The following BTNL8 variants were observed in gnomAD, a reference collection of about 807,000 sequenced individuals.
BTNL8 encodes the protein butyrophilin like 8.
A neutral mutation model predicts 36.1 loss-of-function variants in BTNL8; 22 were observed. The observed-to-expected ratio is 0.61, with a 90% CI of 0.44 to 0.87. The LOEUF (loss-of-function observed/expected upper bound fraction) is 0.87. Ranked by LOEUF, BTNL8 falls within the 40% of genes least tolerant of loss-of-function variation. The pLI is 0.00. For missense variants in BTNL8, 526 were observed against 616.9 expected, an observed-to-expected ratio of 0.85 and a Z score of 1.56; for synonymous variants, 203 against 235.6, an observed-to-expected ratio of 0.86 and a Z score of 1.27.
At chr5:180,900,259 A>T (rs1175536050) in intron 1 of BTNL8, among the ~76,000 whole-genome samples, 2 of 152,216 alleles carry the variant, frequency 1.3e-5, no homozygotes, top group Admixed American at 6.5e-5. Flanking sequence ...GGAGACAGAA[A>T]CATTTTATTT....
chr5:180,902,410 C>T (rs1400458118), intron 1 of BTNL8: 2 of 1,549,046 alleles, frequency 1.3e-6, no homozygotes, highest in East Asian at 2.4e-5. Context: ...AGGAGATACA[C>T]AAATGCAAGT....
At chr5:180,909,736 G>C (rs567080663) in intron 2 of BTNL8, 1 of 260,958 alleles carries the variant, frequency 3.8e-6, no homozygotes, top group African/African-American at 2.4e-5. Flanking sequence ...AAAAAAAGAA[G>C]ATGAAAGAAG....
chr5:180,906,074 C>T (rs1441287213), intron 1 of BTNL8, among the ~76,000 whole-genome samples: 1 of 143,384 alleles, frequency 7.0e-6, no homozygotes, highest in South Asian at 2.1e-4. Flanking sequence ...TCCTGGGTAT[C>T]CTTTTTGACT....
chr5:180,927,566 G>C (rs1758162813), intron 3 of BTNL8, among the ~76,000 whole-genome samples: 1 of 152,084 alleles, frequency 6.6e-6, no homozygotes, highest in African/African-American at 2.4e-5. Flanking sequence ...CCCAATGCAA[G>C]GAAGCTAAGA....
intron 1 of BTNL8, among the ~76,000 whole-genome samples, chr5:180,900,195 T>C (rs1408701343): frequency 6.6e-6 from 1 of 152,264 alleles, no homozygotes; most frequent in East Asian, 1.9e-4. Context: ...GACGAGCTTC[T>C]TTGTTTCCCT....
At chr5:180,901,429 T>C (rs766605792) in intron 1 of BTNL8, among the ~76,000 whole-genome samples, 11 of 152,174 alleles carry the variant, frequency 7.2e-5, no homozygotes, top group Non-Finnish European at 1.2e-4. Context: ...TAAGAAGCAG[T>C]GTAATCCTTA....
chr5:180,935,533 G>A lies in BTNL8; in HGVS notation c.674-11979G>A, dbSNP rs184271849. On this transcript the variant is annotated intron_variant, in intron 3 of 7. Transcript: ENST00000340184. This position sits in a 1 kb window ranked among gnomAD's most constrained non-coding sequence, Gnocchi z 4.8. ...CTACAACTTTGCTTTGCACTGGAGTGGACACCAGGAGCAGGGAGAGGGTAG... is the reference window on the plus strand; with the variant it reads ...CTACAACTTTGCTTTGCACTGGAGTAGACACCAGGAGCAGGGAGAGGGTAG... Among the ~76,000 whole-genome samples the A allele has an allele frequency of 2.6e-5, 4 of 152,352 alleles. No homozygotes were observed. Among genetic ancestry groups the A allele is most frequent in the Admixed American group, 2.0e-4 (3 of 15,312 alleles).
intron 4 of BTNL8, chr5:180,947,917 C>G (rs1398431250): frequency 8.6e-6 from 9 of 1,049,252 alleles, no homozygotes; most frequent in African/African-American, 3.2e-5. Context: ...ACCAAGACTC[C>G]TATTAAAAAG....
intron 3 of BTNL8, among the ~76,000 whole-genome samples, chr5:180,941,970 A>C (rs1758990736): frequency 6.9e-6 from 1 of 144,560 alleles, no homozygotes; most frequent in South Asian, 2.2e-4. Flanking sequence ...GCAAAAAATA[A>C]ATGGCATCTA....
chr5:180,948,271 G>C lies in BTNL8; in HGVS notation c.788-84G>C, dbSNP rs372868766. On this transcript the variant is annotated intron_variant, in intron 4 of 7. Transcript: ENST00000340184. Reference sequence around the variant, plus strand: ...GCCCTGCCCTTCACACCTGCAGCTCGTCCCACCTGTGCAAGGAGCCAGCGT... The same window carrying C: ...GCCCTGCCCTTCACACCTGCAGCTCCTCCCACCTGTGCAAGGAGCCAGCGT... 4 of 1,460,022 alleles carry C rather than the reference G, an allele frequency of 2.7e-6. No homozygotes were observed. In the African/African-American group the frequency reaches 5.5e-5, roughly 20 times the overall value. The allele number at this position is 1,460,022 out of a possible 1,614,324, so 90.4% of individuals were successfully genotyped here. A position where few individuals can be genotyped will look rare whatever the true frequency, so the allele number is the denominator to read the frequency against.
At chr5:180,949,577 C>T (rs1003143706) in intron 7 of BTNL8, 1 of 527,892 alleles carries the variant, frequency 1.9e-6, no homozygotes, top group Non-Finnish European at 3.3e-6. Context: ...TAAAGTCAGG[C>T]AGAAAATTCT....
At chr5:180,902,632 G>A (rs1367336369) in intron 1 of BTNL8, among the ~76,000 whole-genome samples, 3 of 149,454 alleles carry the variant, frequency 2.0e-5, no homozygotes, top group South Asian at 4.2e-4. Context: ...CCACTAACTC[G>A]TCATCTAGCA....
In BTNL8 at chr5:180,908,715, T is replaced by C. The variant is rs751468271; in HGVS notation, c.179T>C (p.Phe60Ser). The C allele has an allele frequency of 8.9e-5, 144 of 1,614,214 alleles. 2 individuals carry two copies. The Admixed American group carries it at 9.5e-4, about 11-fold the overall frequency. Residue 60 changes from phenylalanine to serine, a missense_variant, in exon 2 of 8, where the codon TTC becomes TCC. By Grantham distance (155) the Phe-to-Ser change is radical. Transcript: ENST00000340184. ...GAAGTGCGGTTCTTCAGGGGCCAGT[T>C]CTCTAGCGTGGTCCACCTCTACAGG... ...AMEVRFFRGQFSSVVHLYRDG... is the reference protein window; with the variant it reads ...AMEVRFFRGQSSSVVHLYRDG...
intron 3 of BTNL8, among the ~76,000 whole-genome samples, chr5:180,937,831 T>C (rs573938722): frequency 6.6e-6 from 1 of 151,954 alleles, no homozygotes; most frequent in East Asian, 1.9e-4. Flanking sequence ...AAAATAATGA[T>C]CTTAAGAACA....
intron 3 of BTNL8, among the ~76,000 whole-genome samples, chr5:180,916,925 T>C (rs140698006): frequency 0.018 from 2,696 of 152,298 alleles, 35 homozygotes; most frequent in Middle Eastern, 0.051. Flanking sequence ...ACTGAAATCA[T>C]GAAAAGTGAA....
At chr5:180,922,075 AT>A (rs567557306) in intron 3 of BTNL8, among the ~76,000 whole-genome samples, 1 of 48,178 alleles carries the variant, frequency 2.1e-5, no homozygotes, top group Non-Finnish European at 4.0e-5. Context: ...TTATTTGGAT[AT>A]TTTTTTCTCT....
intron 3 of BTNL8, among the ~76,000 whole-genome samples, chr5:180,938,740 G>A (rs554713609): frequency 1.4e-4 from 22 of 152,112 alleles, no homozygotes; most frequent in African/African-American, 5.1e-4. Flanking sequence ...GTTTCGCCAT[G>A]TTGGTCAGGA....
At chr5:180,933,266 A>G (rs937607391) in intron 3 of BTNL8, among the ~76,000 whole-genome samples, 2 of 152,200 alleles carry the variant, frequency 1.3e-5, no homozygotes, top group Non-Finnish European at 2.9e-5. Context: ...CACACAATCA[A>G]TAAGAAAACT....
rs1758631593 is a variant in BTNL8 at position 180,935,914 on chromosome 5, T to G, written c.674-11598T>G. Among the ~76,000 whole-genome samples the G allele has an allele frequency of 1.3e-5, 2 of 151,922 alleles. No individual in the cohort carries two copies. The highest frequency in any genetic ancestry group is 6.6e-5 in the Admixed American group (1 of 15,158). Reference sequence around the variant, plus strand: ...GGGACAATACAAGAATGCCCATTCTTATAACTTTTTTTTTTTTTGGTGTCT... The same window carrying G: ...GGGACAATACAAGAATGCCCATTCTGATAACTTTTTTTTTTTTTGGTGTCT... On this transcript the variant is annotated intron_variant, in intron 3 of 7. Transcript: ENST00000340184. The surrounding 1 kb of genome is among the most constrained non-coding windows in gnomAD (Gnocchi z 4.8).
Sources: gnomAD v4.1 joint callset for allele counts (sites outside exome capture counted in the v4.1 genomes callset) on GRCh38, gnomAD v4.1.1 for gene constraint, Gnocchi (gnomAD v3.1) non-coding constraint, MANE v1.5 for transcripts, NCBI Gene and HGNC (gene_info 2026-07-23, HGNC 2026-07-21) for gene names.